The following VTA1 variants were observed in gnomAD, a reference collection of about 807,000 sequenced individuals.
The protein encoded by VTA1 is vacuolar protein sorting-associated protein VTA1 homolog.
In VTA1, 24 loss-of-function variants were observed where a neutral mutation model predicts 36.9. The ratio of observed to expected loss-of-function variants is 0.65; its 90% CI spans 0.47 to 0.91. The LOEUF is 0.91. Among genes scored for constraint, VTA1 ranks in the 40% least tolerant of loss-of-function variants. VTA1 has a pLI of 0.00. For synonymous variants in VTA1, 142 were observed against 130.2 expected, an observed-to-expected ratio of 1.09 and a Z score of -0.62; for missense variants, 393 against 377.2, an observed-to-expected ratio of 1.04 and a Z score of -0.35.
At chr6:142,159,146 G>A (rs1426762422) in intron 1 of VTA1, among the ~76,000 whole-genome samples, 2 of 152,098 alleles carry the variant, frequency 1.3e-5, no homozygotes, top group African/African-American at 4.8e-5. Flanking sequence ...GATCACATGA[G>A]CTCAGGAGTT....
rs1776140458 is a variant in VTA1 at position 142,223,161 on chromosome 6, A to T, written c.*4518A>T. On this transcript the variant is annotated 3_prime_UTR_variant, in exon 8 of 8. Transcript: ENST00000367630. ...TTATCTGGGCCATATGTTCCAATTG[A>T]CAGTGCTAGGCAGTGAACACAGGGT... The T allele has an allele frequency of 6.6e-6, 1 of 152,194 alleles. No homozygotes were observed. The highest frequency in any genetic ancestry group is 2.4e-5 in the African/African-American group (1 of 41,448). The allele number at this position is 152,194 out of a possible 1,614,324, so 9.4% of individuals were successfully genotyped here. A position where few individuals can be genotyped will look rare whatever the true frequency, so the allele number is the denominator to read the frequency against.
At chr6:142,206,265 C>T (rs954481001) in intron 7 of VTA1, among the ~76,000 whole-genome samples, 2 of 152,114 alleles carry the variant, frequency 1.3e-5, no homozygotes, top group African/African-American at 4.8e-5. Flanking sequence ...CACATAGCAG[C>T]ACAAAACAAG....
chr6:142,162,305 A>G (rs1463881870), intron 1 of VTA1, among the ~76,000 whole-genome samples: 1 of 152,126 alleles, frequency 6.6e-6, no homozygotes, highest in Non-Finnish European at 1.5e-5. Flanking sequence ...TGTTCCCTAT[A>G]TTTCTTCCCA....
At chr6:142,177,764 A>T (rs1031405638) in intron 4 of VTA1, among the ~76,000 whole-genome samples, 3 of 152,226 alleles carry the variant, frequency 2.0e-5, no homozygotes, top group African/African-American at 7.2e-5. Flanking sequence ...AGTCTGAAGC[A>T]TATAGCTCTA....
Position 142,213,426 on chromosome 6 carries a change from C to T in VTA1, c.779-5072C>T, listed in dbSNP as rs544840541. On this transcript the variant is annotated intron_variant, in intron 7 of 7. Coordinates refer to ENST00000367630, the MANE Select transcript of VTA1 (RefSeq NM_016485.5). ...TGAGTGCCTGTGACTTTTCCAGGTG[C>T]ATGATGTAAGCTGTCAGTAGGTCTA... 2.6e-5 allele frequency among the ~76,000 whole-genome samples: 4 copies of T among 152,300 alleles called. No individual in the cohort carries two copies. In the South Asian group the frequency reaches 8.3e-4, roughly 32 times the overall value.
rs1216928788 is a variant in VTA1, at chr6:142,189,407, T to G, written c.412-19T>G. On this transcript the variant is annotated intron_variant, in intron 4 of 7. Coordinates refer to ENST00000367630, the MANE Select transcript of VTA1 (RefSeq NM_016485.5). ...TCTTTACCATAGTCCAATGTTGATA[T>G]AAAAATGCTCTCTTTTAGAATGTGA... 2 of 1,584,498 alleles carry G rather than the reference T, an allele frequency of 1.3e-6. No homozygotes were observed. The highest frequency in any genetic ancestry group is 1.7e-6 in the Non-Finnish European group (2 of 1,155,058).
Position 142,218,909 on chromosome 6 carries a change from A to G in VTA1, c.*266A>G, listed in dbSNP as rs564652983. ...AAAATGTCCATTGAACCCTGCTTCA[A>G]AAAATGAAAACACACCTCTATAAAA... On this transcript the variant is annotated 3_prime_UTR_variant, in exon 8 of 8. Transcript: ENST00000367630. 7.7e-6 allele frequency: 2 copies of G among 259,750 alleles called. No individual in the cohort carries two copies. Among genetic ancestry groups the G allele is most frequent in the Non-Finnish European group, 1.4e-5 (2 of 139,820 alleles). 16.1% of individuals were successfully genotyped at this position (259,750 alleles called of 1,614,324 possible).
intron 4 of VTA1, among the ~76,000 whole-genome samples, chr6:142,171,987 A>G (rs1775036204): frequency 6.6e-6 from 1 of 152,200 alleles, no homozygotes; most frequent in Non-Finnish European, 1.5e-5. Context: ...TGTACAGGAC[A>G]TTTCAAAGTT....
chr6:142,174,736 TG>T (rs1402086727), intron 4 of VTA1, among the ~76,000 whole-genome samples: 1 of 152,130 alleles, frequency 6.6e-6, no homozygotes, highest in Non-Finnish European at 1.5e-5. Flanking sequence ...GTCATGGGGA[TG>T]GATCTTTTAT....
Position 142,198,516 on chromosome 6 carries a change from G to A in VTA1, c.598G>A (p.Asp200Asn). The A allele has an allele frequency of 1.2e-6, 2 of 1,614,090 alleles. No homozygotes were observed. The highest frequency in any genetic ancestry group is 1.7e-6 in the Non-Finnish European group (2 of 1,179,986). The part of the protein sequence containing the change: ...PTQPSSSSTY[D>N]PSNMPSGNYT... ...TCAGCCATCATCATCTTCAACTTAT[G>A]ACCCAAGCAACATGCCATCAGGCAA... Residue 200 changes from aspartate (D) to asparagine (N), a missense_variant, in exon 6 of 8, where the codon GAC becomes AAC. Asp to Asn is a conservative substitution (Grantham distance 23). Transcript: ENST00000367630.
chr6:142,152,830 C>CT (rs879438817), intron 1 of VTA1, among the ~76,000 whole-genome samples: 2 of 151,808 alleles, frequency 1.3e-5, no homozygotes, highest in Non-Finnish European at 2.9e-5. Flanking sequence ...AGCAGGGAAA[C>CT]TTTTTTTTGT....
chr6:142,224,631 C>A lies in VTA1; in HGVS notation c.*5988C>A, dbSNP rs1414037527. On this transcript the variant is annotated 3_prime_UTR_variant, in exon 8 of 8. Transcript: ENST00000367630. ...ATTCTGACCTGGTGAAATAAATATA[C>A]GAATGGGCAAAAAAATATATACTAA... 3 of 151,922 alleles carry A rather than the reference C, an allele frequency of 2.0e-5. No individual in the cohort carries two copies. The East Asian group carries it at 5.8e-4, about 29-fold the overall frequency. The allele number at this position is 151,922 out of a possible 1,614,324, so 9.4% of individuals were successfully genotyped here.
intron 1 of VTA1, among the ~76,000 whole-genome samples, chr6:142,148,085 T>C (rs2114623215): frequency 6.6e-6 from 1 of 152,316 alleles, no homozygotes; most frequent in Middle Eastern, 3.4e-3. Flanking sequence ...TTGTAGTGAG[T>C]AAAGGGAGTG....
intron 4 of VTA1, among the ~76,000 whole-genome samples, chr6:142,181,384 C>T (rs989522258): frequency 1.3e-5 from 2 of 148,160 alleles, no homozygotes; most frequent in Admixed American, 6.7e-5. Flanking sequence ...CCGCCTTCCT[C>T]GGCCTCCTGA....
At chr6:142,153,820 A>G (rs1778612411) in intron 1 of VTA1, among the ~76,000 whole-genome samples, 1 of 152,074 alleles carries the variant, frequency 6.6e-6, no homozygotes, top group African/African-American at 2.4e-5. Context: ...TCTTTTAATT[A>G]AACTTTTTCT....
intron 7 of VTA1, among the ~76,000 whole-genome samples, chr6:142,211,195 G>T (rs1775896436): frequency 6.6e-6 from 1 of 151,538 alleles, no homozygotes; most frequent in South Asian, 2.1e-4. Flanking sequence ...GAGGATGAAA[G>T]TGGAAAAAAA....
chr6:142,168,904 C>T (rs1398176809), intron 2 of VTA1, among the ~76,000 whole-genome samples: 1 of 151,612 alleles, frequency 6.6e-6, no homozygotes, highest in Non-Finnish European at 1.5e-5. Flanking sequence ...GTAGCTGGGA[C>T]TACAGCTGCC....
At chr6:142,165,836 T>A (rs1774903642) in intron 1 of VTA1, among the ~76,000 whole-genome samples, 1 of 152,216 alleles carries the variant, frequency 6.6e-6, no homozygotes, top group South Asian at 2.1e-4. Flanking sequence ...CATTTCCCAC[T>A]ATCCCAGCCC....
At chr6:142,163,860 A>C (rs2114639189) in intron 1 of VTA1, among the ~76,000 whole-genome samples, 1 of 152,274 alleles carries the variant, frequency 6.6e-6, no homozygotes, top group East Asian at 1.9e-4. Flanking sequence ...ATTATTTATG[A>C]ATTACATTTA....
Sources: allele counts gnomAD v4.1 joint callset (sites outside exome capture counted in the v4.1 genomes callset), GRCh38; gene constraint gnomAD v4.1.1; transcripts MANE v1.5; gene names NCBI Gene and HGNC (gene_info 2026-07-23, HGNC 2026-07-21).